CCDC171: variants seen among roughly 807,000 people sequenced by gnomAD.
CCDC171 encodes coiled-coil domain-containing protein 171.
Under a neutral mutation model 168.2 loss-of-function variants are expected in CCDC171, and 177 were observed. That is an observed-to-expected ratio of 1.05 (90% CI 0.93 to 1.19). CCDC171 has a LOEUF of 1.19. Among genes scored for constraint, CCDC171 ranks in the 50% most tolerant of loss-of-function variants. CCDC171 has a pLI of 0.00. For missense variants in CCDC171, 1,991 were observed against 1,539.0 expected (o/e 1.29, Z -4.91); for synonymous variants, 687 against 540.8 (o/e 1.27, Z -3.75).
At chr9:15,795,426 C>G (rs963736700) in intron 21 of CCDC171, among the ~76,000 whole-genome samples, 5 of 151,952 alleles carry the variant, frequency 3.3e-5, no homozygotes, top group Non-Finnish European at 7.4e-5. Context: ...CAAACCATAG[C>G]AAGTGGAAAC....
At chr9:15,991,176 G>A (rs1028140295) in intron 3 of CCDC171, among the ~76,000 whole-genome samples, 7 of 152,134 alleles carry the variant, frequency 4.6e-5, no homozygotes, top group Middle Eastern at 3.2e-3. Flanking sequence ...ATAATTGGAC[G>A]TAAAGCACTC....
At chr9:15,647,109 G>T (rs1186428200) in intron 7 of CCDC171, among the ~76,000 whole-genome samples, 1 of 152,086 alleles carries the variant, frequency 6.6e-6, no homozygotes, top group Non-Finnish European at 1.5e-5. Flanking sequence ...ACTCAAAACC[G>T]CTCAACTACA....
chr9:15,740,684 C>T (rs1251276578), intron 16 of CCDC171, among the ~76,000 whole-genome samples: 2 of 152,298 alleles, frequency 1.3e-5, no homozygotes, highest in East Asian at 3.9e-4. Context: ...AGGTGATCCA[C>T]CCGCCTTGGC....
At chr9:15,619,295 CTA>C (rs1238181977) in intron 6 of CCDC171, among the ~76,000 whole-genome samples, 7 of 152,164 alleles carry the variant, frequency 4.6e-5, no homozygotes, top group African/African-American at 1.7e-4. Context: ...AGGCCAAACG[CTA>C]TGTCTTTAGT....
At chr9:15,954,481 C>T (rs886600271) in intron 25 of CCDC171, among the ~76,000 whole-genome samples, 3 of 151,964 alleles carry the variant, frequency 2.0e-5, no homozygotes, top group African/African-American at 7.2e-5. Context: ...ATTTTGTGAA[C>T]TTTACAGTTT....
At chr9:15,996,739 A>G (rs116843795) in intron 3 of CCDC171, among the ~76,000 whole-genome samples, 2 of 152,284 alleles carry the variant, frequency 1.3e-5, no homozygotes, top group South Asian at 2.1e-4. Flanking sequence ...TCTGAGAATT[A>G]GTACTGAAGT....
At chr9:15,713,861 T>C (rs990132471) in intron 11 of CCDC171, among the ~76,000 whole-genome samples, 45 of 151,512 alleles carry the variant, frequency 3.0e-4, no homozygotes, top group Non-Finnish European at 2.2e-4. Flanking sequence ...TTAAGATTTC[T>C]ACATACTAGA....
intron 21 of CCDC171, among the ~76,000 whole-genome samples, chr9:15,798,571 A>G (rs2058668511): frequency 6.6e-6 from 1 of 151,924 alleles, no homozygotes; most frequent in Non-Finnish European, 1.5e-5. Flanking sequence ...TTCTTTTTCT[A>G]GTTGTTAAGG....
chr9:16,012,077 T>G lies in CCDC171; in HGVS notation n.369-8512T>G, dbSNP rs549183059. On this transcript the variant is annotated intron_variant and non_coding_transcript_variant, in intron 3 of 9. Coordinates refer to the CCDC171 transcript ENST00000486641. ...GTGGACTGATCTGCAAATAGGAAGT[T>G]CTCTTCTGAAGGTTAGGGTGAACAT... Among the ~76,000 whole-genome samples the G allele has an allele frequency of 4.3e-4, 66 of 152,292 alleles. 1 individual carries two copies. The highest frequency in any genetic ancestry group is 7.9e-4 in the Non-Finnish European group (54 of 68,022).
chr9:15,733,958 A>G (rs1288850691), intron 16 of CCDC171, among the ~76,000 whole-genome samples: 1 of 152,014 alleles, frequency 6.6e-6, no homozygotes, highest in African/African-American at 2.4e-5. Flanking sequence ...ATTTTTTTGT[A>G]GAGATGAGGT....
Position 15,724,947 on chromosome 9 carries a change from C to G in CCDC171, c.1663C>G (p.Leu555Val). ...CCAGTCTGAAAGTGAACTGCAGAAG[C>G]TTTCCCAGGCTTTCCATAAGGATGC... ...AAQSESELQK[L>V]SQAFHKDAEE... Residue 555 changes from leucine (L) to valine (V), a missense_variant, in exon 14 of 26, where the codon CTT (leucine) becomes GTT (valine). By Grantham distance (32) the Leu-to-Val change is conservative. Coordinates refer to ENST00000380701, the MANE Select transcript of CCDC171 (RefSeq NM_173550.4). 1 of 1,613,894 alleles carries G rather than the reference C, an allele frequency of 6.2e-7. No individual in the cohort carries two copies. Among genetic ancestry groups the G allele is most frequent in the Non-Finnish European group, 8.5e-7 (1 of 1,179,852 alleles).
At chr9:15,695,127 T>C in intron 10 of CCDC171, 108 bp from the exon 11 acceptor site, 1 of 702,634 alleles carries the variant, frequency 1.4e-6, no homozygotes, top group East Asian at 2.7e-5. Flanking sequence ...ATAATATATT[T>C]GAATGGAATC....
intron 18 of CCDC171, among the ~76,000 whole-genome samples, chr9:15,753,977 G>T (rs751396225): frequency 6.6e-6 from 1 of 152,086 alleles, no homozygotes; most frequent in Non-Finnish European, 1.5e-5. Context: ...CAAACATGAT[G>T]AGGGGTTTGT....
chr9:15,617,272 C>T (rs1192624711), intron 6 of CCDC171, among the ~76,000 whole-genome samples: 1 of 151,876 alleles, frequency 6.6e-6, no homozygotes, highest in Non-Finnish European at 1.5e-5. Flanking sequence ...GTTATTCTGG[C>T]TTTTGGAATT....
downstream of CCDC171, among the ~76,000 whole-genome samples, chr9:15,976,795 A>G (rs1020411195): frequency 6.6e-6 from 1 of 152,046 alleles, no homozygotes; most frequent in African/African-American, 2.4e-5. Flanking sequence ...AAATCTTCTA[A>G]AATTTTTACA....
rs559792180 is a variant in CCDC171, at chr9:15,673,159, T to A, written c.1077-5599T>A. ...ACTCATGAATTGGCTGTCTGTCTGT[T>A]ATTGGTGTATAAGAATGCTTGTGAT... On this transcript the variant is annotated intron_variant, in intron 9 of 25. Transcript: ENST00000380701. Among the ~76,000 whole-genome samples, 64 of 151,918 alleles carry A rather than the reference T, an allele frequency of 4.2e-4. 1 individual carries two copies. The South Asian group carries it at 0.013, about 32-fold the overall frequency.
intron 10 of CCDC171, among the ~76,000 whole-genome samples, 172 bp from the exon 11 acceptor site, chr9:15,695,063 G>A (rs997085812): frequency 1.8e-4 from 27 of 152,190 alleles, no homozygotes; most frequent in Non-Finnish European, 3.1e-4. Flanking sequence ...ACCTTGTACA[G>A]TGTTACATTA....
chr9:15,905,961 A>C (rs966003238), intron 24 of CCDC171, among the ~76,000 whole-genome samples: 1 of 152,212 alleles, frequency 6.6e-6, no homozygotes, highest in African/African-American at 2.4e-5. Flanking sequence ...CACCCTCCCA[A>C]GACTAAACCA....
intron 21 of CCDC171, among the ~76,000 whole-genome samples, chr9:15,810,264 A>C (rs538333203): frequency 6.6e-6 from 1 of 152,214 alleles, no homozygotes; most frequent in African/African-American, 2.4e-5. Context: ...TGATTGGTGC[A>C]TATACAATCC....
Sources: allele counts gnomAD v4.1 joint callset (sites outside exome capture counted in the v4.1 genomes callset), GRCh38; gene constraint gnomAD v4.1.1; transcripts MANE v1.5; gene names NCBI Gene and HGNC (gene_info 2026-07-23, HGNC 2026-07-21).